Variants in WWOX observed in about 807,000 individuals in gnomAD.
The protein encoded by WWOX is WW domain containing oxidoreductase.
In WWOX, 69 loss-of-function variants were observed where a neutral mutation model predicts 46.2. The observed-to-expected ratio is 1.49, with a 90% confidence interval of 1.23 to 1.82. The LOEUF (loss-of-function observed/expected upper bound fraction) is 1.82. Ranked by LOEUF, WWOX falls within the 40% of genes most tolerant of loss-of-function variation. The pLI, the probability that WWOX is intolerant of heterozygous loss-of-function variation, is 0.00. For missense variants in WWOX, 919 were observed against 542.6 expected (o/e 1.69, Z -6.89); for synonymous variants, 359 against 202.6 (o/e 1.77, Z -6.56).
intron 5 of WWOX, among the ~76,000 whole-genome samples, chr16:78,289,695 T>G (rs1385080256): frequency 2.0e-5 from 3 of 152,220 alleles, no homozygotes; most frequent in African/African-American, 7.2e-5. Flanking sequence ...TCAAACCTAT[T>G]TTGTTTTCTA....
intron 5 of WWOX, among the ~76,000 whole-genome samples, chr16:78,277,873 C>G (rs769530948): frequency 6.6e-6 from 1 of 152,132 alleles, no homozygotes; most frequent in Non-Finnish European, 1.5e-5. Context: ...CAAAATATTA[C>G]GAATCATAGC....
intron 8 of WWOX, among the ~76,000 whole-genome samples, chr16:78,777,976 T>C (rs10871353): frequency 0.34 from 48,378 of 141,852 alleles, 8,240 homozygotes; most frequent in African/African-American, 0.4. Flanking sequence ...ACCCAGGAGG[T>C]GGAAGTTGTA....
At chr16:79,091,502 C>T (rs905889832) in intron 8 of WWOX, among the ~76,000 whole-genome samples, 8 of 152,084 alleles carry the variant, frequency 5.3e-5, no homozygotes, top group East Asian at 1.9e-4. Context: ...TTATGATCTT[C>T]GGATTTGGCT....
intron 3 of WWOX, among the ~76,000 whole-genome samples, chr16:78,110,637 G>A (rs1426420685): frequency 3.3e-5 from 5 of 152,064 alleles, no homozygotes; most frequent in South Asian, 2.1e-4. Flanking sequence ...GATAAATTCC[G>A]GTATCACGCA....
At chr16:78,417,289 T>A (rs1379589638) in intron 6 of WWOX, among the ~76,000 whole-genome samples, 1 of 152,038 alleles carries the variant, frequency 6.6e-6, no homozygotes, top group East Asian at 1.9e-4. Flanking sequence ...GATGAGGTCT[T>A]GCTATGTTGT....
intron 8 of WWOX, among the ~76,000 whole-genome samples, chr16:78,440,204 G>A (rs530151932): frequency 1.3e-5 from 2 of 152,090 alleles, no homozygotes. Flanking sequence ...AAATGCTATC[G>A]ATTTTATAGG....
chr16:78,256,427 C>A (rs1041973521), intron 5 of WWOX, among the ~76,000 whole-genome samples: 2 of 151,988 alleles, frequency 1.3e-5, no homozygotes, highest in African/African-American at 4.8e-5. Context: ...CTCTTAAATT[C>A]ATTGGTGAGA....
intron 8 of WWOX, among the ~76,000 whole-genome samples, chr16:79,111,622 G>T (rs2049417982): frequency 6.6e-6 from 1 of 152,178 alleles, no homozygotes; most frequent in Non-Finnish European, 1.5e-5. Flanking sequence ...AGCTGCAATT[G>T]TCAAGAGACC....
chr16:78,457,426 C>A (rs1244871297), intron 8 of WWOX, among the ~76,000 whole-genome samples: 1 of 152,162 alleles, frequency 6.6e-6, no homozygotes, highest in Non-Finnish European at 1.5e-5. Flanking sequence ...GTGTCTTCCA[C>A]GTACGTCCTG....
chr16:79,159,614 C>G (rs1402333945), intron 8 of WWOX, among the ~76,000 whole-genome samples: 21 of 152,136 alleles, frequency 1.4e-4, no homozygotes, highest in Admixed American at 1.3e-3. Flanking sequence ...GCTGATGAGT[C>G]CCCCAGAGAT....
At chr16:79,041,956 T>C (rs963739854) in intron 8 of WWOX, among the ~76,000 whole-genome samples, 2 of 152,054 alleles carry the variant, frequency 1.3e-5, no homozygotes, top group Non-Finnish European at 2.9e-5. Context: ...TGTGTGGAAA[T>C]GAATGGGAAG....
intron 8 of WWOX, among the ~76,000 whole-genome samples, chr16:78,692,696 T>C (rs760421943): frequency 6.6e-6 from 1 of 152,244 alleles, no homozygotes; most frequent in Non-Finnish European, 1.5e-5. Flanking sequence ...ATAGGTTGTT[T>C]ATGATCCCTG....
Position 78,492,716 on chromosome 16 carries a change from C to T in WWOX, c.1056+59964C>T, listed in dbSNP as rs79738598. On this transcript the variant is annotated intron_variant, in intron 8 of 8. Transcript: ENST00000566780. ...GCTCTGGATAATTCTCAATGACTTT[C>T]AAAGTTATGATTCAGGGAGTAATTG... Among the ~76,000 whole-genome samples the T allele has an allele frequency of 6.8e-3, 1,038 of 152,276 alleles. 3 individuals are homozygous for T. The highest frequency in any genetic ancestry group is 0.016 in the African/African-American group (677 of 41,542).
At chr16:78,596,586 G>A (rs2045496546) in intron 8 of WWOX, among the ~76,000 whole-genome samples, 1 of 152,200 alleles carries the variant, frequency 6.6e-6, no homozygotes, top group African/African-American at 2.4e-5. Context: ...GCAAGGACCA[G>A]CCAGCTGAGG....
intron 8 of WWOX, among the ~76,000 whole-genome samples, chr16:78,524,576 A>G (rs1001349007): frequency 6.6e-6 from 1 of 151,774 alleles, no homozygotes; most frequent in Non-Finnish European, 1.5e-5. Context: ...GTGCACCACC[A>G]GGCTCTGCTA....
At position 78,996,824 on chromosome 16, in the gene WWOX, A is replaced by G. The variant is rs371862843; in HGVS notation, c.1057-214784A>G. Among the ~76,000 whole-genome samples, 10 of 152,288 alleles carry G rather than the reference A, an allele frequency of 6.6e-5. 1 individual carries two copies. Among genetic ancestry groups the G allele is most frequent in the African/African-American group, 2.4e-4 (10 of 41,582 alleles). On this transcript the variant is annotated intron_variant, in intron 8 of 8. Transcript: ENST00000566780. ...CAAAGTAGGCACTGTTTATAGAGCC[A>G]TCGCTTGCAGAACATCTCCCCGGCC...
chr16:78,723,668 G>C (rs550559539), intron 8 of WWOX, among the ~76,000 whole-genome samples: 47 of 128,478 alleles, frequency 3.7e-4, no homozygotes, highest in African/African-American at 1.3e-3. Context: ...GGGATTCTGA[G>C]AGCATCCTGT....
At chr16:79,072,054 G>A (rs984282561) in intron 8 of WWOX, among the ~76,000 whole-genome samples, 3 of 152,170 alleles carry the variant, frequency 2.0e-5, no homozygotes, top group Non-Finnish European at 2.9e-5. Context: ...AGGCAGAGGC[G>A]GGAGGATTGC....
intron 8 of WWOX, among the ~76,000 whole-genome samples, chr16:78,643,496 C>T (rs973612006): frequency 1.3e-5 from 2 of 152,170 alleles, no homozygotes; most frequent in South Asian, 2.1e-4. Flanking sequence ...CGACTTCTAA[C>T]ATGTCCAGCT....
Sources: allele counts gnomAD v4.1 joint callset (sites outside exome capture counted in the v4.1 genomes callset), GRCh38; gene constraint gnomAD v4.1.1; transcripts MANE v1.5; gene names NCBI Gene and HGNC (gene_info 2026-07-23, HGNC 2026-07-21).